Variants in TLN2 observed in about 807,000 individuals in gnomAD.
TLN2 encodes talin 2, also known as talin-2.
Under a neutral mutation model 294.7 loss-of-function variants are expected in TLN2, and 118 were observed. That is an observed-to-expected ratio of 0.40 (90% CI 0.34 to 0.47). The LOEUF is 0.47. Among genes scored for constraint, TLN2 ranks in the 20% least tolerant of loss-of-function variants. The pLI, the probability that TLN2 is intolerant of heterozygous loss-of-function variation, is 0.84. For synonymous variants in TLN2, 1,431 were observed against 1,304.5 expected, an observed-to-expected ratio of 1.10 and a Z score of -2.09; for missense variants, 3,083 against 3,282.2, an observed-to-expected ratio of 0.94 and a Z score of 1.48.
intron 1 of TLN2, among the ~76,000 whole-genome samples, chr15:62,508,771 T>C (rs184233336): frequency 3.9e-5 from 6 of 152,320 alleles, no homozygotes; most frequent in Non-Finnish European, 7.3e-5. Flanking sequence ...TTTAGATTCA[T>C]GTTTCTCTAT....
At chr15:62,391,864 C>T (rs910346082) in intron 1 of TLN2, among the ~76,000 whole-genome samples, 4 of 152,254 alleles carry the variant, frequency 2.6e-5, no homozygotes, top group African/African-American at 9.6e-5. Context: ...CCGCAGCTAC[C>T]GCTGCCCGGG....
At chr15:62,825,967 C>T (rs928691211) in intron 54 of TLN2, among the ~76,000 whole-genome samples, 8 of 143,344 alleles carry the variant, frequency 5.6e-5, no homozygotes, top group Non-Finnish European at 9.0e-5. Context: ...CGGAGGTTGC[C>T]GTGAGCCGGG....
Position 62,721,972 on chromosome 15 carries a change from C to G in TLN2, c.2992-381C>G, listed in dbSNP as rs962252676. ...CATGTTAGCTGTTTTATTTATCTGT[C>G]TTCATTTTTCTAAGCAGTCTTTTGA... On this transcript the variant is annotated intron_variant, in intron 25 of 58. Transcript: ENST00000636159. 3.3e-5 allele frequency among the ~76,000 whole-genome samples: 5 copies of G among 152,176 alleles called. No individual in the cohort carries two copies. In the South Asian group the frequency reaches 1.0e-3, roughly 32 times the overall value.
At chr15:62,587,949 C>T (rs924162449) in intron 1 of TLN2, among the ~76,000 whole-genome samples, 18 of 152,136 alleles carry the variant, frequency 1.2e-4, no homozygotes, top group East Asian at 5.8e-4. Flanking sequence ...GGCGTGATCT[C>T]GGCTCACTGC....
chr15:62,683,397 C>T (rs541286469), intron 11 of TLN2, among the ~76,000 whole-genome samples: 12 of 152,202 alleles, frequency 7.9e-5, no homozygotes, highest in East Asian at 7.8e-4. Flanking sequence ...GGTTTATTAG[C>T]GAATCCTGCC....
At chr15:62,439,406 G>A (rs1207910772) in intron 1 of TLN2, among the ~76,000 whole-genome samples, 2 of 152,070 alleles carry the variant, frequency 1.3e-5, no homozygotes. Context: ...TCCGCCTCCT[G>A]GGTTCAAGTG....
chr15:62,456,422 G>A (rs977126714), intron 1 of TLN2, among the ~76,000 whole-genome samples: 1 of 152,224 alleles, frequency 6.6e-6, no homozygotes, highest in Non-Finnish European at 1.5e-5. Context: ...AAAATGCAGG[G>A]CTGGACCTGA....
intron 1 of TLN2, among the ~76,000 whole-genome samples, chr15:62,479,985 G>A (rs965777454): frequency 6.6e-6 from 1 of 152,236 alleles, no homozygotes; most frequent in Non-Finnish European, 1.5e-5. Context: ...TACTTGAGCA[G>A]ACCCAGGAGT....
In TLN2 at chr15:62,552,034, C is replaced by T. The variant is rs376715555; in HGVS notation, c.-237-37653C>T. Among the ~76,000 whole-genome samples, 8 of 152,276 alleles carry T rather than the reference C, an allele frequency of 5.3e-5. No homozygotes were observed. In the South Asian group the frequency reaches 8.3e-4, roughly 16 times the overall value. On this transcript the variant is annotated intron_variant, in intron 1 of 58. Transcript: ENST00000636159. ...TAGCCCAGTTAATCTTGACATTGTT[C>T]GCTTTTTGAGTCAGGTACTTCTTTG...
At position 62,653,151 on chromosome 15, in the gene TLN2, C is replaced by A; in HGVS notation, c.365-11C>A. 1 of 1,531,802 alleles carries A rather than the reference C, an allele frequency of 6.5e-7. No homozygotes were observed. 94.9% of individuals were successfully genotyped at this position (1,531,802 alleles called of 1,614,324 possible). On this transcript the variant is annotated splice_polypyrimidine_tract_variant and intron_variant, in intron 6 of 58. Transcript: ENST00000636159. ...ATTATTTATAATTATAACCTAATTT[C>A]CAATGTTTAGGAATAACAAATTATG... is the stretch of plus-strand genomic sequence containing the variant.
chr15:62,840,717 C>A lies in TLN2; in HGVS notation c.*107C>A. The A allele has an allele frequency of 2.7e-6, 4 of 1,458,034 alleles. No individual in the cohort carries two copies. The highest frequency in any genetic ancestry group is 3.7e-6 in the Non-Finnish European group (4 of 1,091,864). 90.3% of individuals were successfully genotyped at this position (1,458,034 alleles called of 1,614,324 possible). On this transcript the variant is annotated 3_prime_UTR_variant, in exon 59 of 59. Transcript: ENST00000636159. ...AGCTGGAAACCGCCCACCTCCCTCCCGGGTGAGCCTGGAGCCCTGCGTGCT... is the reference window on the plus strand; with the variant it reads ...AGCTGGAAACCGCCCACCTCCCTCCAGGGTGAGCCTGGAGCCCTGCGTGCT...
At chr15:62,697,642 C>A in intron 14 of TLN2, 46 bp from the exon 15 acceptor site, 1 of 1,562,680 alleles carries the variant, frequency 6.4e-7, no homozygotes. Context: ...CATTGCACTC[C>A]ACATGGCTGG....
Position 62,838,355 on chromosome 15 carries a change from C to T in TLN2, c.7375-501C>T, listed in dbSNP as rs563350213. Among the ~76,000 whole-genome samples the T allele has an allele frequency of 5.3e-5, 8 of 152,258 alleles. No homozygotes were observed. In the South Asian group the frequency reaches 1.2e-3, roughly 24 times the overall value. On this transcript the variant is annotated intron_variant, in intron 57 of 58. Transcript: ENST00000636159. ...CCAGGAGGGAACAGCCAGCCACAAGCGTGGTAAAGGCTGCAGTGAAGCCGG... is the reference window on the plus strand; with the variant it reads ...CCAGGAGGGAACAGCCAGCCACAAGTGTGGTAAAGGCTGCAGTGAAGCCGG...
intron 1 of TLN2, among the ~76,000 whole-genome samples, chr15:62,574,738 A>G (rs2044243592): frequency 6.6e-6 from 1 of 152,048 alleles, no homozygotes; most frequent in African/African-American, 2.4e-5. Flanking sequence ...TTCTGAAATC[A>G]GGACCCATCA....
chr15:62,817,538 G>C (rs139454210), intron 52 of TLN2, among the ~76,000 whole-genome samples: 1 of 152,160 alleles, frequency 6.6e-6, no homozygotes, highest in South Asian at 2.1e-4. Context: ...TTGTGCGTAC[G>C]CATAATGTCA....
chr15:62,656,501 C>G (rs2053228632), intron 8 of TLN2, among the ~76,000 whole-genome samples: 1 of 152,188 alleles, frequency 6.6e-6, no homozygotes, highest in Admixed American at 6.5e-5. Flanking sequence ...CCTTTCATGT[C>G]TTTACCCTTA....
In TLN2 at chr15:62,843,060, C is replaced by T. The variant is rs1019888874; in HGVS notation, c.*2450C>T. ...CTTCTGGTCCTTCAAAGGAAAATAA[C>T]ACAGGCATGAGTTCATTTGGGAGTG... is the stretch of plus-strand genomic sequence containing the variant. On this transcript the variant is annotated 3_prime_UTR_variant, in exon 59 of 59. Transcript: ENST00000636159. The T allele has an allele frequency of 2.0e-5, 3 of 152,222 alleles. No homozygotes were observed. The highest frequency in any genetic ancestry group is 2.9e-5 in the Non-Finnish European group (2 of 68,062). The allele number at this position is 152,222 out of a possible 1,614,324, so 9.4% of individuals were successfully genotyped here.
intron 57 of TLN2, among the ~76,000 whole-genome samples, chr15:62,838,334 G>A (rs2070056107): frequency 6.6e-6 from 1 of 152,208 alleles, no homozygotes; most frequent in African/African-American, 2.4e-5. Flanking sequence ...GACTGTCCAG[G>A]AGGGAACAGC....
At chr15:62,443,758 T>C (rs1429289386) in intron 1 of TLN2, among the ~76,000 whole-genome samples, 1 of 152,046 alleles carries the variant, frequency 6.6e-6, no homozygotes, top group Non-Finnish European at 1.5e-5. Flanking sequence ...TCCCAGCACT[T>C]TGGGAGGCAG....
Sources: allele counts gnomAD v4.1 joint callset (sites outside exome capture counted in the v4.1 genomes callset), GRCh38; gene constraint gnomAD v4.1.1; transcripts MANE v1.5; gene names NCBI Gene and HGNC (gene_info 2026-07-23, HGNC 2026-07-21).